Variants in LINGO2 observed in about 807,000 individuals in gnomAD.
The protein encoded by LINGO2 is leucine rich repeat and Ig domain containing 2.
In LINGO2, 14 loss-of-function variants were observed where a neutral mutation model predicts 30.6. That is an observed-to-expected ratio of 0.46 (90% CI 0.30 to 0.72). The LOEUF is 0.72. Ranked by LOEUF, LINGO2 falls within the 30% of genes least tolerant of loss-of-function variation. The pLI is 0.07. For missense variants in LINGO2, 729 were observed against 751.7 expected (o/e 0.97, Z 0.35); for synonymous variants, 317 against 288.5 (o/e 1.10, Z -1.00).
the LINGO2 span, among the ~76,000 whole-genome samples, chr9:28,899,509 A>T: frequency 5.3e-5 from 8 of 152,210 alleles, no homozygotes; most frequent in Admixed American, 4.6e-4. Context: ...CTCCCTCCAG[A>T]CTTCAGGCTT....
chr9:29,098,602 C>T, the LINGO2 span, among the ~76,000 whole-genome samples: 7 of 152,138 alleles, frequency 4.6e-5, no homozygotes, highest in African/African-American at 9.6e-5. Context: ...TACTAGAAGG[C>T]TATTGTGGAT....
the LINGO2 span, among the ~76,000 whole-genome samples, chr9:28,715,060 C>T: frequency 8.5e-5 from 13 of 152,134 alleles, no homozygotes; most frequent in Non-Finnish European, 1.6e-4. Flanking sequence ...GTCAATAATT[C>T]TAGCATACTG....
the LINGO2 span, among the ~76,000 whole-genome samples, chr9:29,039,093 C>A: frequency 6.6e-6 from 1 of 152,074 alleles, no homozygotes; most frequent in African/African-American, 2.4e-5. Flanking sequence ...GTACAACCAG[C>A]GGCAAATTCA....
chr9:28,452,313 A>C (rs1402066593), intron 2 of LINGO2, among the ~76,000 whole-genome samples: 3 of 151,812 alleles, frequency 2.0e-5, no homozygotes, highest in African/African-American at 4.8e-5. Flanking sequence ...ATAATAGAAC[A>C]GCTTTCACGA....
At chr9:28,823,445 G>T in the LINGO2 span, among the ~76,000 whole-genome samples, 1 of 152,152 alleles carries the variant, frequency 6.6e-6, no homozygotes, top group Non-Finnish European at 1.5e-5. Flanking sequence ...TTAGGACTTT[G>T]TAACTCCTCC....
At chr9:28,295,941 G>T (rs1203893228) in intron 3 of LINGO2, among the ~76,000 whole-genome samples, 1 of 152,138 alleles carries the variant, frequency 6.6e-6, no homozygotes, top group Non-Finnish European at 1.5e-5. Flanking sequence ...AAATTCAGCA[G>T]CCACCATTAT....
chr9:28,397,427 T>C (rs1257368447), intron 2 of LINGO2, among the ~76,000 whole-genome samples: 2 of 149,916 alleles, frequency 1.3e-5, no homozygotes, highest in Non-Finnish European at 3.0e-5. Flanking sequence ...AATTAACACA[T>C]GTATTACCTC....
chr9:28,135,440 G>T (rs997405287), intron 4 of LINGO2, among the ~76,000 whole-genome samples: 1 of 150,886 alleles, frequency 6.6e-6, no homozygotes, highest in Non-Finnish European at 1.5e-5. Flanking sequence ...TCAGACAACA[G>T]AAATGAGAAA....
chr9:28,025,319 G>A (rs1823325216), intron 4 of LINGO2, among the ~76,000 whole-genome samples: 1 of 152,160 alleles, frequency 6.6e-6, no homozygotes, highest in African/African-American at 2.4e-5. Flanking sequence ...ATGTTGATTT[G>A]TTTTAAAGAG....
At chr9:29,068,210 T>A in the LINGO2 span, among the ~76,000 whole-genome samples, 1 of 151,636 alleles carries the variant, frequency 6.6e-6, no homozygotes, top group African/African-American at 2.4e-5. Context: ...AACAAATAAA[T>A]AAAATTATTA....
chr9:29,083,671 G>A, the LINGO2 span, among the ~76,000 whole-genome samples: 24 of 151,900 alleles, frequency 1.6e-4, no homozygotes, highest in Admixed American at 1.3e-3. Context: ...GGATGGAAAT[G>A]CAGCTTTATG....
At chr9:27,988,689 G>T (rs1821246004) in intron 5 of LINGO2, among the ~76,000 whole-genome samples, 1 of 151,818 alleles carries the variant, frequency 6.6e-6, no homozygotes, top group Non-Finnish European at 1.5e-5. Flanking sequence ...TTTTGATGGG[G>T]TTGTTTGTTT....
At chr9:29,116,095 C>CGAAT in the LINGO2 span, among the ~76,000 whole-genome samples, 2 of 151,508 alleles carry the variant, frequency 1.3e-5, no homozygotes, top group African/African-American at 2.4e-5. Flanking sequence ...TGGGCTATAA[C>CGAAT]GAATGACTTA....
At chr9:28,153,177 T>A (rs1828044632) in intron 4 of LINGO2, among the ~76,000 whole-genome samples, 1 of 152,182 alleles carries the variant, frequency 6.6e-6, no homozygotes, top group Admixed American at 6.5e-5. Context: ...ATTTGGCATA[T>A]CTAGTAAAAT....
chr9:29,076,338 T>A, the LINGO2 span, among the ~76,000 whole-genome samples: 1 of 151,920 alleles, frequency 6.6e-6, no homozygotes, highest in Non-Finnish European at 1.5e-5. Context: ...AAAAATCCTT[T>A]AGCCTTTCTT....
chr9:28,244,920 A>T (rs1050287876), intron 4 of LINGO2, among the ~76,000 whole-genome samples: 12 of 152,172 alleles, frequency 7.9e-5, no homozygotes, highest in African/African-American at 2.9e-4. Flanking sequence ...ATTCGAAATA[A>T]TTGAAAAGTA....
intron 3 of LINGO2, among the ~76,000 whole-genome samples, chr9:28,366,606 C>A (rs1256457954): frequency 6.6e-6 from 1 of 151,806 alleles, no homozygotes; most frequent in East Asian, 1.9e-4. Flanking sequence ...AAGGTAGGAT[C>A]ATTCACTTGC....
At chr9:28,580,321 T>C (rs771776821) in intron 1 of LINGO2, among the ~76,000 whole-genome samples, 2 of 152,038 alleles carry the variant, frequency 1.3e-5, no homozygotes, top group African/African-American at 2.4e-5. Flanking sequence ...GTCCAGCAGA[T>C]AACACATCAA....
At chr9:28,298,446 G>C (rs1005084620) in intron 3 of LINGO2, among the ~76,000 whole-genome samples, 1 of 150,176 alleles carries the variant, frequency 6.7e-6, no homozygotes, top group African/African-American at 2.5e-5. Context: ...GGTGGATCAC[G>C]AGGTCAAGAG....
Sources: allele counts gnomAD v4.1 joint callset (sites outside exome capture counted in the v4.1 genomes callset), GRCh38; gene constraint gnomAD v4.1.1; transcripts MANE v1.5; gene names NCBI Gene and HGNC (gene_info 2026-07-23, HGNC 2026-07-21).